The following CNTNAP2 variants were observed in gnomAD, a reference collection of about 807,000 sequenced individuals.
CNTNAP2 encodes contactin-associated protein-like 2.
In CNTNAP2, 98 loss-of-function variants were observed where a neutral mutation model predicts 155.2. That is an observed-to-expected ratio of 0.63 (90% CI 0.54 to 0.75). CNTNAP2 has a LOEUF of 0.75. Among genes scored for constraint, CNTNAP2 ranks in the 30% least tolerant of loss-of-function variants. The probability of loss-of-function intolerance (pLI) is 0.00; values close to 1 mark genes in which losing one functional copy is unlikely to be tolerated. For missense variants in CNTNAP2, 1,727 were observed against 1,688.1 expected (o/e 1.02, Z -0.40); for synonymous variants, 651 against 631.2 (o/e 1.03, Z -0.47).
chr7:147,827,658 C>T (rs918377039), intron 13 of CNTNAP2, among the ~76,000 whole-genome samples: 8 of 151,838 alleles, frequency 5.3e-5, no homozygotes, highest in African/African-American at 1.2e-4. Flanking sequence ...TTTGAACTTG[C>T]GGAATCTTAG....
chr7:147,449,300 G>T (rs1037733025), intron 10 of CNTNAP2, among the ~76,000 whole-genome samples: 1 of 152,072 alleles, frequency 6.6e-6, no homozygotes, highest in Non-Finnish European at 1.5e-5. Context: ...CATGACTGAG[G>T]AGTCATTTCA....
chr7:147,695,981 T>C (rs1796155037), intron 13 of CNTNAP2, among the ~76,000 whole-genome samples: 1 of 152,200 alleles, frequency 6.6e-6, no homozygotes, highest in Non-Finnish European at 1.5e-5. Flanking sequence ...CTGTCTGAAA[T>C]TAATACAGCT....
At chr7:146,488,291 C>G (rs560981805) in intron 1 of CNTNAP2, among the ~76,000 whole-genome samples, 1 of 117,536 alleles carries the variant, frequency 8.5e-6, no homozygotes, top group Non-Finnish European at 1.8e-5. Flanking sequence ...CTCCCTCCCT[C>G]CCTCCCTCCC....
Position 147,919,608 on chromosome 7 carries a change from G to A in CNTNAP2, c.2255+15887G>A, listed in dbSNP as rs370784808. ...CAAGTAGCTGGGACTACAGGCAGCCGCCACCACGCCTGGCTAATTTTTTGT... is the reference window on the plus strand; with the variant it reads ...CAAGTAGCTGGGACTACAGGCAGCCACCACCACGCCTGGCTAATTTTTTGT... On this transcript the variant is annotated intron_variant, in intron 14 of 23. Transcript: ENST00000361727. Among the ~76,000 whole-genome samples the A allele has an allele frequency of 1.2e-4, 18 of 151,512 alleles. 1 individual carries two copies. The highest frequency in any genetic ancestry group is 3.3e-4 in the Admixed American group (5 of 15,210).
intron 1 of CNTNAP2, among the ~76,000 whole-genome samples, chr7:146,498,585 T>C (rs1421647167): frequency 6.6e-6 from 1 of 152,076 alleles, no homozygotes; most frequent in African/African-American, 2.4e-5. Context: ...TTACAATCAG[T>C]AATAAAATTA....
intron 13 of CNTNAP2, among the ~76,000 whole-genome samples, chr7:147,854,213 C>G (rs145273034): frequency 6.6e-6 from 1 of 152,222 alleles, no homozygotes; most frequent in African/African-American, 2.4e-5. Context: ...AGAAGAGTTG[C>G]CGTTATTTCA....
intron 3 of CNTNAP2, among the ~76,000 whole-genome samples, chr7:146,907,539 C>T (rs1033996438): frequency 5.9e-5 from 8 of 135,516 alleles, no homozygotes; most frequent in African/African-American, 1.4e-4. Context: ...AATTTCATAT[C>T]CAGCCAAACT....
intron 13 of CNTNAP2, among the ~76,000 whole-genome samples, chr7:147,826,704 A>G (rs563726336): frequency 1.3e-5 from 2 of 152,328 alleles, no homozygotes; most frequent in South Asian, 2.1e-4. Flanking sequence ...TTCAACAGAT[A>G]GAGAACGCTG....
chr7:147,001,229 G>T (rs1798415540), intron 3 of CNTNAP2, among the ~76,000 whole-genome samples: 1 of 152,046 alleles, frequency 6.6e-6, no homozygotes, highest in African/African-American at 2.4e-5. Flanking sequence ...CGTAGCTCTT[G>T]TGAGATATTT....
intron 11 of CNTNAP2, among the ~76,000 whole-genome samples, chr7:147,496,413 T>C (rs1412492570): frequency 6.6e-6 from 1 of 152,212 alleles, no homozygotes; most frequent in African/African-American, 2.4e-5. Flanking sequence ...ATGCTTACAG[T>C]GCATTTTTGA....
intron 9 of CNTNAP2, among the ~76,000 whole-genome samples, chr7:147,317,988 C>A (rs927957791): frequency 6.6e-6 from 1 of 152,024 alleles, no homozygotes; most frequent in African/African-American, 2.4e-5. Flanking sequence ...TTTAGCAATA[C>A]TATCTCTGAT....
intron 1 of CNTNAP2, among the ~76,000 whole-genome samples, chr7:146,685,230 C>T (rs1317899992): frequency 2.6e-5 from 4 of 152,052 alleles, no homozygotes; most frequent in Non-Finnish European, 5.9e-5. Context: ...ACTATCATGC[C>T]GATTTCAAAG....
intron 13 of CNTNAP2, among the ~76,000 whole-genome samples, chr7:147,827,519 A>AT (rs1413952021): frequency 6.6e-6 from 1 of 152,246 alleles, no homozygotes; most frequent in East Asian, 1.9e-4. Context: ...TCTACTAAAC[A>AT]AATTAGATTG....
intron 14 of CNTNAP2, among the ~76,000 whole-genome samples, chr7:147,950,358 G>A (rs1451914235): frequency 1.4e-5 from 1 of 73,976 alleles, no homozygotes; most frequent in Non-Finnish European, 2.2e-5. Context: ...TATACACATA[G>A]AGAGGCAAAA....
At chr7:146,651,626 C>T (rs886382155) in intron 1 of CNTNAP2, among the ~76,000 whole-genome samples, 2 of 152,058 alleles carry the variant, frequency 1.3e-5, no homozygotes, top group Non-Finnish European at 1.5e-5. Flanking sequence ...GAGATAGAAA[C>T]TGTTATCTGT....
intron 1 of CNTNAP2, among the ~76,000 whole-genome samples, chr7:146,369,873 A>T (rs1340337795): frequency 6.6e-6 from 1 of 152,156 alleles, no homozygotes; most frequent in African/African-American, 2.4e-5. Flanking sequence ...CAAATGGCTC[A>T]TATTTACTCT....
intron 5 of CNTNAP2, among the ~76,000 whole-genome samples, chr7:147,110,927 T>C (rs1465210686): frequency 5.3e-5 from 8 of 152,218 alleles, no homozygotes. Flanking sequence ...TATTTCTGCC[T>C]CTAGGTCTTT....
chr7:146,779,550 T>C (rs542148007), intron 2 of CNTNAP2, among the ~76,000 whole-genome samples: 2 of 152,340 alleles, frequency 1.3e-5, no homozygotes, highest in African/African-American at 4.8e-5. Context: ...TTATTTATGC[T>C]GTTATAGCCA....
intron 11 of CNTNAP2, among the ~76,000 whole-genome samples, chr7:147,498,151 T>C (rs1439983848): frequency 7.0e-6 from 1 of 142,940 alleles, no homozygotes; most frequent in Non-Finnish European, 1.5e-5. Context: ...CAGCACCTGA[T>C]GGGAAAGCCC....
Sources: gnomAD v4.1 joint callset for allele counts (sites outside exome capture counted in the v4.1 genomes callset) on GRCh38, gnomAD v4.1.1 for gene constraint, MANE v1.5 for transcripts, NCBI Gene and HGNC (gene_info 2026-07-23, HGNC 2026-07-21) for gene names.